Variants in LMOD1 observed in about 807,000 individuals in gnomAD.
LMOD1 encodes leiomodin-1.
LMOD1 carries 8 observed loss-of-function variants against 36.5 expected under a neutral mutation model. The observed-to-expected ratio is 0.22, with a 90% confidence interval of 0.13 to 0.40. The LOEUF is 0.40. LMOD1 is among the 10% of genes least tolerant of loss of function. The pLI, the probability that LMOD1 is intolerant of heterozygous loss-of-function variation, is 1.00. For missense variants in LMOD1, 630 were observed against 751.1 expected, an observed-to-expected ratio of 0.84 and a Z score of 1.88; for synonymous variants, 284 against 288.7, an observed-to-expected ratio of 0.98 and a Z score of 0.17.
At position 201,946,230 on chromosome 1, in the gene LMOD1, G is replaced by A. The variant is rs774692839; in HGVS notation, c.111C>T (p.Asp37=). ...EEMEELEKEL[D]VVDPDGSVPV... Reference sequence around the variant, plus strand: ...GAACACTCCCGTCTGGGTCCACCACGTCCAGCTCCTTCTCCAGCTCCTCCA... The same window carrying A: ...GAACACTCCCGTCTGGGTCCACCACATCCAGCTCCTTCTCCAGCTCCTCCA... The change falls in exon 1 of 3, where the codon GAC becomes GAT. Residue 37 remains aspartate (D), a synonymous_variant. Transcript: ENST00000367288. The A allele has an allele frequency of 6.2e-7, 1 of 1,613,990 alleles. No homozygotes were observed. Among genetic ancestry groups the A allele is most frequent in the South Asian group, 1.1e-5 (1 of 91,078 alleles).
chr1:201,903,172 C>T (rs1213136006), intron 1 of LMOD1, among the ~76,000 whole-genome samples: 2 of 152,258 alleles, frequency 1.3e-5, no homozygotes, highest in Non-Finnish European at 2.9e-5. Flanking sequence ...AAAGTGAGTC[C>T]TATGGAAACG....
chr1:201,901,511 A>AAAAAAT (rs1242266721), intron 1 of LMOD1, among the ~76,000 whole-genome samples: 2 of 75,228 alleles, frequency 2.7e-5, no homozygotes, highest in African/African-American at 1.5e-4. Context: ...TCAAAAAAAA[A>AAAAAAT]ATATATATAT....
rs995776545 is a variant in LMOD1, at chr1:201,915,757, T to A, written c.262-15006A>T. On this transcript the variant is annotated intron_variant, in intron 1 of 2. Transcript: ENST00000367288. ...CACTCAGATCAATCCCTCTCCTCCATCCTCACAGATGTTCCCTTGGTCCAG... is the reference window on the plus strand; with the variant it reads ...CACTCAGATCAATCCCTCTCCTCCAACCTCACAGATGTTCCCTTGGTCCAG... Among the ~76,000 whole-genome samples, 54 of 152,000 alleles carry A rather than the reference T, an allele frequency of 3.6e-4. 1 individual carries two copies. Among genetic ancestry groups the A allele is most frequent in the Admixed American group, 6.6e-4 (10 of 15,258 alleles).
At chr1:201,933,535 A>G (rs960197650) in intron 1 of LMOD1, among the ~76,000 whole-genome samples, 2 of 94,736 alleles carry the variant, frequency 2.1e-5, no homozygotes, top group African/African-American at 7.1e-5. Flanking sequence ...CTCTCTCTAT[A>G]TATATAATAC....
At chr1:201,913,740 C>A (rs1681553133) in intron 1 of LMOD1, among the ~76,000 whole-genome samples, 1 of 152,176 alleles carries the variant, frequency 6.6e-6, no homozygotes, top group South Asian at 2.1e-4. Flanking sequence ...TTAAGCCCTG[C>A]CAAATGGAGG....
rs981981090 is a variant in LMOD1, at chr1:201,900,099, C to A, written c.914G>T (p.Gly305Val). The A allele has an allele frequency of 1.2e-6, 2 of 1,613,914 alleles. No individual in the cohort carries two copies. Among genetic ancestry groups the A allele is most frequent in the Admixed American group, 3.3e-5 (2 of 60,028 alleles). Residue 305 changes from glycine to valine, a missense_variant, in exon 2 of 3, where the codon GGA becomes GTA. Physicochemically the swap from Gly to Val is moderately radical, Grantham distance 109. Coordinates refer to ENST00000367288, the MANE Select transcript of LMOD1 (RefSeq NM_012134.3). The stretch of plus-strand genomic sequence containing the variant: ...TGCCTCCTCCTCCACCTTGGCCGGT[C>A]CTTCAGAGGGCTTGGTGGGGCCACT... ...TPSGPTKPSE[G>V]PAKVEEEAAP...
chr1:201,940,183 CTTTTT>C (rs34390949), intron 1 of LMOD1, among the ~76,000 whole-genome samples: 2 of 123,406 alleles, frequency 1.6e-5, no homozygotes, highest in African/African-American at 6.0e-5. Flanking sequence ...CAGCCAAGCT[CTTTTT>C]TTTTTTTTTT....
At chr1:201,917,978 C>T (rs1287341983) in intron 1 of LMOD1, among the ~76,000 whole-genome samples, 5 of 152,234 alleles carry the variant, frequency 3.3e-5, no homozygotes, top group Admixed American at 2.6e-4. Context: ...GGGCCCCATG[C>T]TCAGAGGGCC....
chr1:201,914,426 G>A (rs1162217339), intron 1 of LMOD1, among the ~76,000 whole-genome samples: 70 of 152,100 alleles, frequency 4.6e-4, no homozygotes, highest in Non-Finnish European at 7.4e-5. Context: ...CATCTGGTAC[G>A]GGGCGGTATT....
intron 1 of LMOD1, among the ~76,000 whole-genome samples, chr1:201,927,350 G>A (rs949152892): frequency 2.6e-5 from 4 of 152,080 alleles, no homozygotes; most frequent in Non-Finnish European, 4.4e-5. Context: ...GGAGGATCAC[G>A]AGGTCAGGAG....
intron 1 of LMOD1, among the ~76,000 whole-genome samples, chr1:201,941,622 G>A (rs578052770): frequency 1.6e-4 from 24 of 152,364 alleles, no homozygotes; most frequent in African/African-American, 4.3e-4. Flanking sequence ...TAGGCCGCCG[G>A]CCTCGGGCCT....
rs567633617 is a variant in LMOD1 at position 201,923,608 on chromosome 1, A to T, written c.261+22472T>A. Among the ~76,000 whole-genome samples the T allele has an allele frequency of 2.6e-5, 4 of 152,218 alleles. No homozygotes were observed. In the East Asian group the frequency reaches 7.7e-4, roughly 29 times the overall value. ...CCGGGCACAGTGTCTCATGCCTGTA[A>T]TCCCAGCACTTTGAGAGGCCAACGG... On this transcript the variant is annotated intron_variant, in intron 1 of 2. Coordinates refer to ENST00000367288, the MANE Select transcript of LMOD1 (RefSeq NM_012134.3).
rs1174242884 is a variant in LMOD1, at chr1:201,901,554, A to G, written c.262-803T>C. Among the ~76,000 whole-genome samples, 170 of 29,308 alleles carry G rather than the reference A, an allele frequency of 5.8e-3. 2 individuals are homozygous for G. Among genetic ancestry groups the G allele is most frequent in the South Asian group, 0.036 (30 of 822 alleles). The allele number at this position is 29,308 out of a possible 152,430, so 19.2% of individuals were successfully genotyped here. ...TGTATATATATATATATATATATAC[A>G]TATATATATGTATATATATATATAT... On this transcript the variant is annotated intron_variant, in intron 1 of 2. Transcript: ENST00000367288.
At chr1:201,901,223 G>A (rs948265340) in intron 1 of LMOD1, among the ~76,000 whole-genome samples, 8 of 151,982 alleles carry the variant, frequency 5.3e-5, no homozygotes, top group African/African-American at 1.9e-4. Context: ...TATACATGAA[G>A]TCCGGGCGCG....
chr1:201,904,201 T>G (rs1174108590), intron 1 of LMOD1, among the ~76,000 whole-genome samples: 1 of 152,098 alleles, frequency 6.6e-6, no homozygotes, highest in East Asian at 1.9e-4. Context: ...TTTCTTTCTT[T>G]CCTTTTCTTT....
At position 201,940,341 on chromosome 1, in the gene LMOD1, C is replaced by G. The variant is rs145411447; in HGVS notation, c.261+5739G>C. 9.0e-3 allele frequency among the ~76,000 whole-genome samples: 1,362 copies of G among 151,690 alleles called. 24 individuals carry two copies. Among genetic ancestry groups the G allele is most frequent in the African/African-American group, 0.032 (1,302 of 41,308 alleles). On this transcript the variant is annotated intron_variant, in intron 1 of 2. Transcript: ENST00000367288. ...AGCTGGGACTACAGGCATGCGCCAC[C>G]ACACCCAGTTAATTTTTGTATTTTT...
chr1:201,944,874 C>A (rs755683383), intron 1 of LMOD1, among the ~76,000 whole-genome samples: 3 of 152,122 alleles, frequency 2.0e-5, no homozygotes, highest in Non-Finnish European at 4.4e-5. Flanking sequence ...GCAGTCAACA[C>A]AATTTCATAC....
intron 1 of LMOD1, among the ~76,000 whole-genome samples, chr1:201,920,045 CTTTTTTTTTTTT>C (rs576044641): frequency 1.9e-5 from 1 of 52,534 alleles, no homozygotes. Flanking sequence ...GGCTCTCTCT[CTTTTTTTTTTTT>C]TTTTTTTTTT....
intron 1 of LMOD1, among the ~76,000 whole-genome samples, chr1:201,941,443 TG>T (rs1308916076): frequency 6.6e-6 from 1 of 152,220 alleles, no homozygotes; most frequent in Non-Finnish European, 1.5e-5. Context: ...TGCCTGCTTT[TG>T]CCTCCCTGGG....
Sources: gnomAD v4.1 joint callset for allele counts (sites outside exome capture counted in the v4.1 genomes callset) on GRCh38, gnomAD v4.1.1 for gene constraint, MANE v1.5 for transcripts, NCBI Gene and HGNC (gene_info 2026-07-23, HGNC 2026-07-21) for gene names.